TRANK1: variants seen among roughly 807,000 people sequenced by gnomAD.
TRANK1 encodes the protein TPR and ankyrin repeat-containing protein 1.
In TRANK1, 198 loss-of-function variants were observed where a neutral mutation model predicts 266.0. That is an observed-to-expected ratio of 0.74 (90% CI 0.66 to 0.84). The LOEUF (loss-of-function observed/expected upper bound fraction) is 0.84, where lower values mean the gene tolerates loss of function less well. TRANK1 is among the 40% of genes least tolerant of loss of function. The probability of loss-of-function intolerance (pLI) is 0.00; values close to 1 mark genes in which losing one functional copy is unlikely to be tolerated. For synonymous variants in TRANK1, 1,396 were observed against 1,384.1 expected, an observed-to-expected ratio of 1.01 and a Z score of -0.19; for missense variants, 3,326 against 3,634.6, an observed-to-expected ratio of 0.92 and a Z score of 2.18.
chr3:36,849,397 T>C (rs1330952732), intron 15 of TRANK1, among the ~76,000 whole-genome samples: 1 of 152,180 alleles, frequency 6.6e-6, no homozygotes, highest in Non-Finnish European at 1.5e-5. Context: ...CTGTGGTCCC[T>C]TTCACATCTC....
At chr3:36,924,518 T>A (rs2080260781) in intron 1 of TRANK1, among the ~76,000 whole-genome samples, 1 of 152,240 alleles carries the variant, frequency 6.6e-6, no homozygotes, top group Admixed American at 6.5e-5. Flanking sequence ...AAGAGAAATG[T>A]GTAATTTTCT....
intron 1 of TRANK1, among the ~76,000 whole-genome samples, chr3:36,919,986 C>T (rs562745174): frequency 6.6e-6 from 1 of 152,142 alleles, no homozygotes; most frequent in Non-Finnish European, 1.5e-5. Context: ...TTGTAGCTCA[C>T]GTTCTTGCAA....
intron 22 of TRANK1, 52 bp from the exon 23 acceptor site, chr3:36,829,714 A>G (rs1232087918): frequency 6.3e-7 from 1 of 1,578,164 alleles, no homozygotes; most frequent in African/African-American, 1.3e-5. Context: ...TGCAGGAACT[A>G]GAACACCAAT....
In TRANK1 at chr3:36,828,263, G is replaced by T. The variant is rs374175447; in HGVS notation, c.*12C>A. 187 of 1,595,356 alleles carry T rather than the reference G, an allele frequency of 1.2e-4. No individual in the cohort carries two copies. The highest frequency in any genetic ancestry group is 3.3e-4 in the African/African-American group (25 of 74,780). On this transcript the variant is annotated 3_prime_UTR_variant, in exon 24 of 24. Coordinates refer to ENST00000645898, the MANE Select transcript of TRANK1 (RefSeq NM_001329998.2). The stretch of plus-strand genomic sequence containing the variant: ...TGTTCCGAAGGATGAGGAGGCTGCA[G>T]CTGTGTGGACATTAGTATTTTCTCT...
chr3:36,927,291 TC>T (rs1013207075), intron 1 of TRANK1, among the ~76,000 whole-genome samples: 3 of 152,198 alleles, frequency 2.0e-5, no homozygotes, highest in Non-Finnish European at 4.4e-5. Context: ...CGCTGCTCTG[TC>T]AGTGGAGGAA....
chr3:36,860,675 A>C (rs913876564), intron 11 of TRANK1, among the ~76,000 whole-genome samples: 2 of 151,644 alleles, frequency 1.3e-5, no homozygotes, highest in African/African-American at 4.9e-5. Context: ...TTTCCCATAC[A>C]AAAGAGAAAG....
chr3:36,873,653 C>A (rs1031937845), intron 9 of TRANK1, among the ~76,000 whole-genome samples: 5 of 151,934 alleles, frequency 3.3e-5, no homozygotes, highest in African/African-American at 1.2e-4. Context: ...TAAACAAAAC[C>A]CAACAAATAG....
Position 36,864,431 on chromosome 3 carries a change from C to G in TRANK1, c.1128G>C (p.Lys376Asn). 6.5e-7 allele frequency: 1 copy of G among 1,536,596 alleles called. No homozygotes were observed. Among genetic ancestry groups the G allele is most frequent in the Non-Finnish European group, 8.7e-7 (1 of 1,146,668 alleles). ...TATACTTCACCAGCTGCTCCAAGAC[C>G]TTCCTGAAAATGTCGTTTTCACTAG... The part of the protein sequence containing the change: ...GPTSENDIFR[K>N]VLEQLVKYMN... Residue 376 changes from lysine to asparagine, a missense_variant, in exon 10 of 24, where the codon AAG becomes AAC. Physicochemically the swap from Lys to Asn is moderately conservative, Grantham distance 94. Transcript: ENST00000645898.
intron 1 of TRANK1, among the ~76,000 whole-genome samples, chr3:36,920,743 C>T (rs2080202694): frequency 6.6e-6 from 1 of 151,948 alleles, no homozygotes. Context: ...GGACAGGGCC[C>T]AAGAAAATAA....
At chr3:36,927,879 C>T (rs1187513862) in intron 1 of TRANK1, among the ~76,000 whole-genome samples, 1 of 152,202 alleles carries the variant, frequency 6.6e-6, no homozygotes, top group Non-Finnish European at 1.5e-5. Context: ...TGTCCATGCT[C>T]CATCCTATTC....
rs183555039 is a variant in TRANK1 at position 36,867,040 on chromosome 3, G to A, written c.1079-2560C>T. Among the ~76,000 whole-genome samples the A allele has an allele frequency of 3.1e-4, 47 of 152,236 alleles. 1 individual carries two copies. The East Asian group carries it at 8.5e-3, about 28-fold the overall frequency. ...AGAGAACAGAAAATGATAATCATTTGGCAAAGAAAGACCCACATCACCCTG... is the reference window on the plus strand; with the variant it reads ...AGAGAACAGAAAATGATAATCATTTAGCAAAGAAAGACCCACATCACCCTG... On this transcript the variant is annotated intron_variant, in intron 9 of 23. Transcript: ENST00000645898.
chr3:36,855,089 A>G, intron 13 of TRANK1, 84 bp downstream of exon 13: 1 of 1,251,642 alleles, frequency 8.0e-7, no homozygotes, highest in Non-Finnish European at 1.1e-6. Context: ...TAAAAACCTA[A>G]CAAGAGCTAG....
intron 8 of TRANK1, among the ~76,000 whole-genome samples, chr3:36,889,390 G>A (rs2079654829): frequency 1.3e-5 from 2 of 152,152 alleles, no homozygotes; most frequent in Admixed American, 6.5e-5. Context: ...GCCTAGTCTG[G>A]CCCCAGCAGG....
chr3:36,839,464 A>C (rs1220143319), intron 18 of TRANK1, among the ~76,000 whole-genome samples: 1 of 152,210 alleles, frequency 6.6e-6, no homozygotes, highest in Non-Finnish European at 1.5e-5. Flanking sequence ...GATAAGGTGG[A>C]CAGGATGATC....
intron 1 of TRANK1, among the ~76,000 whole-genome samples, chr3:36,936,313 C>T (rs990167334): frequency 1.3e-5 from 2 of 151,926 alleles, no homozygotes; most frequent in African/African-American, 2.4e-5. Context: ...AGCGAGATCA[C>T]ATCTCTACAA....
intron 3 of TRANK1, among the ~76,000 whole-genome samples, chr3:36,900,874 A>AAAAAAAAAAAAAAAAAAAAAAAAAAC (rs1349072551): frequency 7.1e-6 from 1 of 140,872 alleles, no homozygotes; most frequent in Non-Finnish European, 1.5e-5. Context: ...AAAAAAAAAA[A>AAAAAAAAAAAAAAAAAAAAAAAAAAC]AAGATAACAG....
chr3:36,921,869 C>T (rs7629009), intron 1 of TRANK1, among the ~76,000 whole-genome samples: 25,456 of 152,040 alleles, frequency 0.17, 2,799 homozygotes, highest in East Asian at 0.56. Context: ...AGGCCAGGTA[C>T]GGTGGCTCAC....
intron 1 of TRANK1, among the ~76,000 whole-genome samples, chr3:36,931,240 AC>A (rs952698016): frequency 2.7e-5 from 4 of 150,892 alleles, no homozygotes; most frequent in Admixed American, 6.7e-5. Context: ...AAAGTGCAGC[AC>A]CCCCCCAAAA....
chr3:36,908,577 G>GC, intron 1 of TRANK1, 123 bp from the exon 2 acceptor site: 2 of 1,230,710 alleles, frequency 1.6e-6, no homozygotes, highest in Non-Finnish European at 2.0e-6. Flanking sequence ...CCTTCAAAGG[G>GC]CACATCTTGG....
Sources: allele counts gnomAD v4.1 joint callset (sites outside exome capture counted in the v4.1 genomes callset), GRCh38; gene constraint gnomAD v4.1.1; transcripts MANE v1.5; gene names NCBI Gene and HGNC (gene_info 2026-07-23, HGNC 2026-07-21).